Variants in HMGCLL1 observed in about 807,000 individuals in gnomAD.
HMGCLL1 encodes the protein 3-hydroxy-3-methylglutaryl-CoA lyase like 1.
In HMGCLL1, 36 loss-of-function variants were observed where a neutral mutation model predicts 39.1. That is an observed-to-expected ratio of 0.92 (90% CI 0.71 to 1.22). The LOEUF (loss-of-function observed/expected upper bound fraction) is 1.22. HMGCLL1 is among the 50% of genes most tolerant of loss of function. HMGCLL1 has a pLI of 0.00. For synonymous variants in HMGCLL1, 149 were observed against 144.0 expected, an observed-to-expected ratio of 1.03 and a Z score of -0.25; for missense variants, 451 against 416.5, an observed-to-expected ratio of 1.08 and a Z score of -0.72.
the HMGCLL1 span, among the ~76,000 whole-genome samples, chr6:55,667,667 T>C: frequency 1.3e-5 from 2 of 151,792 alleles, no homozygotes; most frequent in African/African-American, 2.4e-5. Context: ...AGGAAACATA[T>C]ATAACATTAT....
chr6:55,629,870 G>A, the HMGCLL1 span, among the ~76,000 whole-genome samples: 1 of 152,182 alleles, frequency 6.6e-6, no homozygotes, highest in Non-Finnish European at 1.5e-5. Context: ...CCTCTGCTTA[G>A]TTTTCAGAGG....
At chr6:55,597,379 G>C in the HMGCLL1 span, among the ~76,000 whole-genome samples, 2 of 151,970 alleles carry the variant, frequency 1.3e-5, no homozygotes, top group African/African-American at 4.8e-5. Context: ...ATTTATAGAC[G>C]TTTTCTATCA....
chr6:55,574,401 A>C (rs1207207316), intron 1 of HMGCLL1, among the ~76,000 whole-genome samples: 1 of 151,918 alleles, frequency 6.6e-6, no homozygotes, highest in Non-Finnish European at 1.5e-5. Flanking sequence ...CAGAGGACAG[A>C]AAATGAAGTT....
the HMGCLL1 span, among the ~76,000 whole-genome samples, chr6:55,619,412 C>T: frequency 0.11 from 17,012 of 152,008 alleles, 1,136 homozygotes; most frequent in East Asian, 0.17. Context: ...TGCCTTTTCG[C>T]ATATTTCAAA....
intron 7 of HMGCLL1, among the ~76,000 whole-genome samples, chr6:55,454,268 G>A (rs1287694475): frequency 3.3e-5 from 5 of 152,118 alleles, no homozygotes; most frequent in Non-Finnish European, 5.9e-5. Flanking sequence ...ACCAGGGGTG[G>A]GGGCAGGGAT....
At chr6:55,665,034 A>C in the HMGCLL1 span, among the ~76,000 whole-genome samples, 1 of 151,676 alleles carries the variant, frequency 6.6e-6, no homozygotes, top group African/African-American at 2.4e-5. Context: ...AATTTATTAG[A>C]AGTGAGTCAA....
intron 1 of HMGCLL1, chr6:55,577,174 A>C (rs769562441): frequency 6.4e-7 from 1 of 1,571,212 alleles, no homozygotes; most frequent in South Asian, 1.2e-5. Flanking sequence ...AAGTCTAGGA[A>C]GATAAAGTTC....
At chr6:55,523,605 GA>G (rs1561935854) in intron 3 of HMGCLL1, among the ~76,000 whole-genome samples, 1 of 151,852 alleles carries the variant, frequency 6.6e-6, no homozygotes, top group Non-Finnish European at 1.5e-5. Context: ...CACTCTTTCA[GA>G]ATGTTGGTGT....
chr6:55,550,901 C>T (rs940124779), intron 1 of HMGCLL1, among the ~76,000 whole-genome samples: 1 of 151,540 alleles, frequency 6.6e-6, no homozygotes, highest in Non-Finnish European at 1.5e-5. Context: ...CATCCAAAAT[C>T]CATAGTGTTA....
the HMGCLL1 span, among the ~76,000 whole-genome samples, chr6:55,678,002 T>C: frequency 5.9e-5 from 9 of 152,170 alleles, no homozygotes; most frequent in African/African-American, 1.9e-4. Flanking sequence ...ACTGTGTCAT[T>C]GTACAAACTA....
chr6:55,635,296 C>G, the HMGCLL1 span, among the ~76,000 whole-genome samples: 8 of 152,080 alleles, frequency 5.3e-5, no homozygotes, highest in Non-Finnish European at 8.8e-5. Context: ...GAATTATACA[C>G]ACTTATATCA....
In HMGCLL1 at chr6:55,498,805, A is replaced by G. The variant is rs57615670; in HGVS notation, c.606+431T>C. ...TCTCCAGGATCACAAAAGGACAAGA[A>G]CACAAAAGTAGTGTATATTCTGATA... is the stretch of plus-strand genomic sequence containing the variant. On this transcript the variant is annotated intron_variant, in intron 6 of 8. Coordinates refer to ENST00000274901, the MANE Select transcript of HMGCLL1 (RefSeq NM_001042406.2). Among the ~76,000 whole-genome samples, 124 of 152,164 alleles carry G rather than the reference A, an allele frequency of 8.1e-4. 1 individual carries two copies. The highest frequency in any genetic ancestry group is 3.0e-3 in the African/African-American group (123 of 41,508).
Position 55,495,426 on chromosome 6 carries a change from G to T in HMGCLL1, c.788C>A (p.Ala263Asp), listed in dbSNP as rs771133971. 1.2e-6 allele frequency: 2 copies of T among 1,613,102 alleles called. No homozygotes were observed. Among genetic ancestry groups the T allele is most frequent in the East Asian group, 2.2e-5 (1 of 44,838 alleles). Reference protein sequence around the residue: ...YGQALANILTALQMGINVVDS... With the variant: ...YGQALANILTDLQMGINVVDS... Reference sequence around the variant, plus strand: ...ACAAAGAGTACAAAATACCTGAAGGGCCGTAAGGATATTTGCTAAGGCTTG... The same window carrying T: ...ACAAAGAGTACAAAATACCTGAAGGTCCGTAAGGATATTTGCTAAGGCTTG... The change falls in exon 7 of 9, where the codon GCC becomes GAC. Residue 263 changes from alanine to aspartate, a missense_variant. Transcript: ENST00000274901.
At chr6:55,662,566 C>T in the HMGCLL1 span, among the ~76,000 whole-genome samples, 1 of 151,784 alleles carries the variant, frequency 6.6e-6, no homozygotes, top group African/African-American at 2.4e-5. Context: ...TTTTGACATG[C>T]TGCTGAATTT....
At chr6:55,505,170 A>G (rs1213659455) in intron 5 of HMGCLL1, among the ~76,000 whole-genome samples, 1 of 151,654 alleles carries the variant, frequency 6.6e-6, no homozygotes, top group Admixed American at 6.6e-5. Context: ...GAATTAAATC[A>G]TGAAAAAGAA....
At chr6:55,543,349 AAT>A (rs1407747653) in intron 1 of HMGCLL1, among the ~76,000 whole-genome samples, 1 of 7,954 alleles carries the variant, frequency 1.3e-4, no homozygotes, top group Non-Finnish European at 2.8e-4. Context: ...TATGATATAT[AAT>A]ATGATATATT....
At chr6:55,621,506 A>G in the HMGCLL1 span, among the ~76,000 whole-genome samples, 7 of 151,968 alleles carry the variant, frequency 4.6e-5, no homozygotes, top group African/African-American at 1.4e-4. Context: ...TCATAGTACC[A>G]TGAACCCTAC....
At chr6:55,644,152 A>G in the HMGCLL1 span, among the ~76,000 whole-genome samples, 2 of 152,050 alleles carry the variant, frequency 1.3e-5, no homozygotes, top group African/African-American at 4.8e-5. Flanking sequence ...TTCTCTGAAG[A>G]TCAGTGATGT....
chr6:55,662,162 C>T, the HMGCLL1 span, among the ~76,000 whole-genome samples: 1 of 151,598 alleles, frequency 6.6e-6, no homozygotes, highest in African/African-American at 2.4e-5. Flanking sequence ...CTTCCTTCCC[C>T]TTTGGATGCC....
Sources: allele counts gnomAD v4.1 joint callset (sites outside exome capture counted in the v4.1 genomes callset), GRCh38; gene constraint gnomAD v4.1.1; transcripts MANE v1.5; gene names NCBI Gene and HGNC (gene_info 2026-07-23, HGNC 2026-07-21).